Variants in KDM5A observed in about 807,000 individuals in gnomAD.
The protein encoded by KDM5A is lysine demethylase 5A.
Under a neutral mutation model 193.5 loss-of-function variants are expected in KDM5A, and 42 were observed. That is an observed-to-expected ratio of 0.22 (90% CI 0.17 to 0.28). KDM5A has a LOEUF of 0.28. KDM5A is among the 10% of genes least tolerant of loss of function. The pLI is 1.00. For synonymous variants in KDM5A, 796 were observed against 718.1 expected (o/e 1.11, Z -1.73); for missense variants, 1,692 against 2,055.1 (o/e 0.82, Z 3.42).
chr12:293,563 G>C (rs1480167414), intron 26 of KDM5A, among the ~76,000 whole-genome samples: 2 of 152,128 alleles, frequency 1.3e-5, no homozygotes, highest in Non-Finnish European at 2.9e-5. Context: ...TGGATCACTT[G>C]AGGTCAGGAG....
chr12:345,354 G>C (rs1274982569), intron 10 of KDM5A, among the ~76,000 whole-genome samples: 1 of 152,146 alleles, frequency 6.6e-6, no homozygotes, highest in Non-Finnish European at 1.5e-5. Flanking sequence ...ATATTAGATA[G>C]ATCAATGAGA....
At chr12:376,623 C>A (rs556771284) in intron 3 of KDM5A, among the ~76,000 whole-genome samples, 1 of 152,336 alleles carries the variant, frequency 6.6e-6, no homozygotes, top group South Asian at 2.1e-4. Context: ...GTGAGATGAA[C>A]CTGGTACCTC....
intron 14 of KDM5A, among the ~76,000 whole-genome samples, chr12:328,049 T>C (rs761036389): frequency 2.0e-5 from 3 of 152,138 alleles, no homozygotes; most frequent in African/African-American, 4.8e-5. Flanking sequence ...GGAAGGACCA[T>C]ATAAGGGCAT....
chr12:354,079 G>A lies in KDM5A; in HGVS notation c.1026C>T (p.Ala342=), dbSNP rs201762644. ...TCCATAGAGGTTAGACGTGTACCTC[G>A]GCGACACATTTAGGACACCTCCAGT... ...KGDWRCPKCV[A]EECSKPREAF... is the part of the protein sequence containing the mutation. The change falls in exon 8 of 28, where the codon GCC becomes GCT. Residue 342 remains alanine, a synonymous_variant. Transcript: ENST00000399788. 298 of 1,612,896 alleles carry A rather than the reference G, an allele frequency of 1.8e-4. 1 individual carries two copies. Among genetic ancestry groups the A allele is most frequent in the Middle Eastern group, 1.6e-4 (1 of 6,082 alleles).
chr12:348,479 G>C (rs10848814), intron 10 of KDM5A, among the ~76,000 whole-genome samples: 56,359 of 151,808 alleles, frequency 0.37, 11,388 homozygotes, highest in East Asian at 0.58. Flanking sequence ...TATTGCGGCA[G>C]TATTCACAAT....
At chr12:358,919 T>C (rs1038569189) in intron 5 of KDM5A, among the ~76,000 whole-genome samples, 1 of 151,844 alleles carries the variant, frequency 6.6e-6, no homozygotes, top group Non-Finnish European at 1.5e-5. Context: ...TGCAGTGAGC[T>C]GAGATCATGC....
chr12:354,142 A>G lies in KDM5A; in HGVS notation c.963T>C (p.Phe321=), dbSNP rs778423495. The change falls in exon 8 of 28, where the codon TTT becomes TTC. Residue 321 remains phenylalanine (F), a synonymous_variant. Transcript: ENST00000399788. ...CDGCDDSYHT[F]CLIPPLPDVP... ...CATCAGGTAGTGGAGGAATTAGACA[A>G]AATGTATGATAGCTGTCATCACATC... The G allele has an allele frequency of 5.0e-6, 8 of 1,613,224 alleles. No homozygotes were observed. Among genetic ancestry groups the G allele is most frequent in the Non-Finnish European group, 4.2e-6 (5 of 1,179,188 alleles).
rs1027315477 is a variant in KDM5A at position 363,538 on chromosome 12, T to C, written c.538-441A>G. Among the ~76,000 whole-genome samples the C allele has an allele frequency of 4.6e-5, 7 of 152,240 alleles. No homozygotes were observed. The East Asian group carries it at 9.6e-4, about 21-fold the overall frequency. ...GGAAAAGGATAGCCTTTTAAACAAA[T>C]GGCGCTGGTACTACTCAATATTCAT... On this transcript the variant is annotated intron_variant, in intron 4 of 27. Coordinates refer to ENST00000399788, the MANE Select transcript of KDM5A (RefSeq NM_001042603.3).
intron 1 of KDM5A, among the ~76,000 whole-genome samples, chr12:387,032 G>A (rs531397325): frequency 6.6e-6 from 1 of 152,142 alleles, no homozygotes; most frequent in South Asian, 2.1e-4. Flanking sequence ...AGCACTTTAT[G>A]TTACACAAAT....
chr12:311,689 A>T (rs1943588097), intron 20 of KDM5A, among the ~76,000 whole-genome samples: 1 of 152,040 alleles, frequency 6.6e-6, no homozygotes, highest in Non-Finnish European at 1.5e-5. Flanking sequence ...GAAAAGAAAC[A>T]GGGGCAGCTA....
Position 318,267 on chromosome 12 carries a change from T to C in KDM5A, c.2736A>G (p.Ser912=), listed in dbSNP as rs1043341269. Residue 912 remains serine (S), a synonymous_variant, in exon 19 of 28, where the codon TCA becomes TCG. Coordinates refer to ENST00000399788, the MANE Select transcript of KDM5A (RefSeq NM_001042603.3). Reference sequence around the variant, plus strand: ...CATCCAAAGTGACTTGTTGCGGATCTGATAAGGTCAGTCTTACTTCGTCCA... The same window carrying C: ...CATCCAAAGTGACTTGTTGCGGATCCGATAAGGTCAGTCTTACTTCGTCCA... The part of the protein sequence containing the change: ...RWLDEVRLTL[S]DPQQVTLDVM... 4 of 1,614,232 alleles carry C rather than the reference T, an allele frequency of 2.5e-6. No individual in the cohort carries two copies. The highest frequency in any genetic ancestry group is 1.6e-4 in the Middle Eastern group (1 of 6,062).
Position 333,501 on chromosome 12 carries a change from C to G in KDM5A, c.1639G>C (p.Glu547Gln). ...AAAAGACTCACAGGCACACCATGCT[C>G]CATTAGCACGTTGGGGTTCATGATG... is the stretch of plus-strand genomic sequence containing the variant. ...VTIMNPNVLM[E>Q]HGVPVYRTNQ... The change falls in exon 12 of 28, where the codon GAG becomes CAG. Residue 547 changes from glutamate to glutamine, a missense_variant. Physicochemically the swap from Glu to Gln is conservative, Grantham distance 29 (BLOSUM62 2). Coordinates refer to ENST00000399788, the MANE Select transcript of KDM5A (RefSeq NM_001042603.3). 8.7e-6 allele frequency: 14 copies of G among 1,614,136 alleles called. No individual in the cohort carries two copies. Among genetic ancestry groups the G allele is most frequent in the Non-Finnish European group, 1.2e-5 (14 of 1,180,020 alleles).
At chr12:305,620 A>G (rs1180155180) in intron 24 of KDM5A, among the ~76,000 whole-genome samples, 1 of 152,196 alleles carries the variant, frequency 6.6e-6, no homozygotes, top group Non-Finnish European at 1.5e-5. Flanking sequence ...AGCAACTAAG[A>G]ATCATATAAA....
intron 3 of KDM5A, among the ~76,000 whole-genome samples, chr12:377,958 A>T (rs770243946): frequency 3.9e-5 from 6 of 152,234 alleles, no homozygotes; most frequent in Non-Finnish European, 7.3e-5. Flanking sequence ...CTTCTACTGG[A>T]AAGTTTGAAA....
chr12:372,190 A>G (rs1944436957), intron 3 of KDM5A, among the ~76,000 whole-genome samples: 2 of 152,232 alleles, frequency 1.3e-5, no homozygotes, highest in Non-Finnish European at 2.9e-5. Flanking sequence ...TACCTTGGGC[A>G]GTATGGCCAT....
rs146574584 is a variant in KDM5A, at chr12:282,413, T to A, written c.*3043A>T. Reference sequence around the variant, plus strand: ...AATTTTACTGAGGCACAAATTTGAATCATGCAGGCAAAGCTGGTGTGCAGC... The same window carrying A: ...AATTTTACTGAGGCACAAATTTGAAACATGCAGGCAAAGCTGGTGTGCAGC... On this transcript the variant is annotated 3_prime_UTR_variant, in exon 28 of 28. Transcript: ENST00000399788. 1 of 233,334 alleles carries A rather than the reference T, an allele frequency of 4.3e-6. No homozygotes were observed. The highest frequency in any genetic ancestry group is 2.2e-5 in the African/African-American group (1 of 45,488). The allele number at this position is 233,334 out of a possible 1,614,324, so 14.5% of individuals were successfully genotyped here.
intron 20 of KDM5A, 53 bp downstream of exon 20, chr12:313,003 A>C: frequency 6.5e-7 from 1 of 1,544,768 alleles, no homozygotes; most frequent in South Asian, 1.1e-5. Flanking sequence ...TAAAAGATTA[A>C]TCCATGAAAC....
At chr12:365,590 A>G (rs1298618939) in intron 4 of KDM5A, among the ~76,000 whole-genome samples, 2 of 152,344 alleles carry the variant, frequency 1.3e-5, no homozygotes, top group East Asian at 3.9e-4. Flanking sequence ...GCATAAATGT[A>G]GAAATGTATT....
intron 19 of KDM5A, among the ~76,000 whole-genome samples, chr12:317,859 C>G (rs1472570222): frequency 6.6e-6 from 1 of 152,212 alleles, no homozygotes; most frequent in Non-Finnish European, 1.5e-5. Flanking sequence ...TCTCCGGGAG[C>G]TGCACCTCTC....
Sources: allele counts gnomAD v4.1 joint callset (sites outside exome capture counted in the v4.1 genomes callset), GRCh38; gene constraint gnomAD v4.1.1; transcripts MANE v1.5; gene names NCBI Gene and HGNC (gene_info 2026-07-23, HGNC 2026-07-21).